The following ZNF184 variants were observed in gnomAD, a reference collection of about 807,000 sequenced individuals.
The protein encoded by ZNF184 is zinc finger protein 184.
Under a neutral mutation model 54.4 loss-of-function variants are expected in ZNF184, and 16 were observed. The observed-to-expected ratio is 0.29, with a 90% CI of 0.20 to 0.45. The LOEUF (loss-of-function observed/expected upper bound fraction) is 0.45. Among genes scored for constraint, ZNF184 ranks in the 20% least tolerant of loss-of-function variants. The pLI, the probability that ZNF184 is intolerant of heterozygous loss-of-function variation, is 1.00. For synonymous variants in ZNF184, 254 were observed against 295.3 expected, an observed-to-expected ratio of 0.86 and a Z score of 1.43; for missense variants, 681 against 888.2, an observed-to-expected ratio of 0.77 and a Z score of 2.97.
chr6:27,450,586 T>C (rs1199300452), downstream of ZNF184, among the ~76,000 whole-genome samples: 1 of 152,066 alleles, frequency 6.6e-6, no homozygotes, highest in Non-Finnish European at 1.5e-5. Context: ...CAAATTTCTA[T>C]TGTTTAAGAT....
At chr6:27,432,725 G>A in the ZNF184 span, among the ~76,000 whole-genome samples, 3 of 152,292 alleles carry the variant, frequency 2.0e-5, no homozygotes, top group East Asian at 3.9e-4. This position sits in a 1 kb window ranked among gnomAD's most constrained non-coding sequence, Gnocchi z 4.0. Flanking sequence ...TGTTCTTCCA[G>A]AACCTTGCTA....
At chr6:27,411,215 G>T in the ZNF184 span, among the ~76,000 whole-genome samples, 1 of 152,088 alleles carries the variant, frequency 6.6e-6, no homozygotes, top group Admixed American at 6.6e-5. Flanking sequence ...TGACGGAAGG[G>T]CAAAAGAGGC....
the ZNF184 span, among the ~76,000 whole-genome samples, chr6:27,425,468 C>T: frequency 1.3e-5 from 2 of 152,344 alleles, no homozygotes; most frequent in East Asian, 3.9e-4. Context: ...AGTAAAATGT[C>T]TGGAACTTTA....
the ZNF184 span, among the ~76,000 whole-genome samples, chr6:27,434,962 T>C: frequency 6.6e-6 from 1 of 152,326 alleles, no homozygotes; most frequent in African/African-American, 2.4e-5. Flanking sequence ...GAATATCAAT[T>C]GGCCATACCT....
intron 3 of ZNF184, among the ~76,000 whole-genome samples, chr6:27,466,141 G>GGAGAGA (rs58110037): frequency 4.7e-5 from 7 of 148,764 alleles, no homozygotes; most frequent in African/African-American, 1.7e-4. Context: ...AGAGTCAGAG[G>GGAGAGA]GAGAGAGAGA....
chr6:27,459,884 C>T (rs1425582638), intron 3 of ZNF184, among the ~76,000 whole-genome samples: 1 of 152,108 alleles, frequency 6.6e-6, no homozygotes. Flanking sequence ...CACAAGAGGA[C>T]AGGCATGGTG....
the ZNF184 span, among the ~76,000 whole-genome samples, chr6:27,422,443 C>T: frequency 6.6e-5 from 10 of 152,038 alleles, no homozygotes; most frequent in East Asian, 9.7e-4. Flanking sequence ...TCCCTTTAAC[C>T]TTATCTTTCT....
downstream of ZNF184, among the ~76,000 whole-genome samples, chr6:27,449,265 A>G (rs1190642930): frequency 1.3e-5 from 2 of 152,250 alleles, no homozygotes; most frequent in African/African-American, 4.8e-5. Context: ...TGAAGGTATT[A>G]GAACTTTTTG....
At chr6:27,448,804 A>AAGGC (rs1156903802), downstream of ZNF184, among the ~76,000 whole-genome samples, 1 of 152,060 alleles carries the variant, frequency 6.6e-6, no homozygotes, top group African/African-American at 2.4e-5. Flanking sequence ...GAACCCAAGA[A>AAGGC]AGGCATTTCC....
downstream of ZNF184, among the ~76,000 whole-genome samples, chr6:27,446,654 CCA>C (rs1454555622): frequency 6.6e-6 from 1 of 152,138 alleles, no homozygotes; most frequent in Non-Finnish European, 1.5e-5. Context: ...GGAAGTAGGG[CCA>C]CTCTTAGGAC....
chr6:27,451,793 T>C lies in ZNF184; in HGVS notation c.1766A>G (p.Asn589Ser). 6.2e-7 allele frequency: 1 copy of C among 1,614,050 alleles called. No individual in the cohort carries two copies. The highest frequency in any genetic ancestry group is 1.1e-5 in the South Asian group (1 of 91,078). Residue 589 changes from asparagine to serine, a missense_variant, in exon 6 of 6, where the codon AAT becomes AGT. Asn to Ser is a conservative substitution (Grantham distance 46). Coordinates refer to ENST00000683788, the MANE Select transcript of ZNF184 (RefSeq NM_001318891.2). The stretch of plus-strand genomic sequence containing the variant: ...CTGGTTGAATGCTCTCCCACACTCA[T>C]TACACTTGTAAGGTCGTTCTCCAGT... The part of the protein sequence containing the change: ...IHTGERPYKC[N>S]ECGRAFNQNI...
At chr6:27,457,916 TA>T (rs1762901338) in intron 3 of ZNF184, among the ~76,000 whole-genome samples, 1 of 152,128 alleles carries the variant, frequency 6.6e-6, no homozygotes, top group Non-Finnish European at 1.5e-5. Flanking sequence ...GATTCATATT[TA>T]TAAGAGTTAA....
chr6:27,446,768 C>A (rs978242996), downstream of ZNF184, among the ~76,000 whole-genome samples: 1 of 152,194 alleles, frequency 6.6e-6, no homozygotes, highest in African/African-American at 2.4e-5. Flanking sequence ...ACCATTGGAG[C>A]AGGGCTGCCT....
At chr6:27,436,176 G>T in the ZNF184 span, among the ~76,000 whole-genome samples, 13 of 151,670 alleles carry the variant, frequency 8.6e-5, no homozygotes, top group Middle Eastern at 3.4e-3. Context: ...TGTTTTTTTT[G>T]TTGTTGTTTT....
chr6:27,420,739 G>A, the ZNF184 span, among the ~76,000 whole-genome samples: 2 of 152,270 alleles, frequency 1.3e-5, no homozygotes, highest in Non-Finnish European at 2.9e-5. Context: ...ACAGGTCAGT[G>A]GTTTCTTATA....
the ZNF184 span, among the ~76,000 whole-genome samples, chr6:27,422,148 A>AAAAAAAGAAAGAAAGAAGAAAGAAAG: frequency 1.3e-3 from 55 of 43,470 alleles, 5 homozygotes; most frequent in African/African-American, 4.3e-3. Context: ...CTCAAAAAAA[A>AAAAAAAGAAAGAAAGAAGAAAGAAAG]AAAGAAAGAA....
intron 3 of ZNF184, among the ~76,000 whole-genome samples, chr6:27,462,793 A>G (rs1379482238): frequency 6.6e-5 from 10 of 150,800 alleles, no homozygotes; most frequent in African/African-American, 2.4e-4. Context: ...TGAACCCAGG[A>G]GGCAGAGGTT....
At chr6:27,454,469 T>C (rs776324084) in intron 5 of ZNF184, among the ~76,000 whole-genome samples, 2 of 152,210 alleles carry the variant, frequency 1.3e-5, no homozygotes, top group Non-Finnish European at 2.9e-5. Flanking sequence ...GAAATAAATA[T>C]GTTTTCATCA....
At chr6:27,441,108 A>C in the ZNF184 span, among the ~76,000 whole-genome samples, 1 of 152,088 alleles carries the variant, frequency 6.6e-6, no homozygotes, top group Non-Finnish European at 1.5e-5. Context: ...ACTAAAAGAA[A>C]CCCAGTTGGC....
Sources: gnomAD v4.1 joint callset for allele counts (sites outside exome capture counted in the v4.1 genomes callset) on GRCh38, gnomAD v4.1.1 for gene constraint, Gnocchi (gnomAD v3.1) non-coding constraint, MANE v1.5 for transcripts, NCBI Gene and HGNC (gene_info 2026-07-23, HGNC 2026-07-21) for gene names.